Variants in EXOC4 observed in about 807,000 individuals in gnomAD.
EXOC4 encodes exocyst complex component 4.
A neutral mutation model predicts 107.2 loss-of-function variants in EXOC4; 71 were observed. The observed-to-expected ratio is 0.66, with a 90% CI of 0.55 to 0.81. The LOEUF (loss-of-function observed/expected upper bound fraction) is 0.81. Ranked by LOEUF, EXOC4 falls within the 30% of genes least tolerant of loss-of-function variation. The pLI is 0.00. For missense variants in EXOC4, 1,108 were observed against 1,189.6 expected, an observed-to-expected ratio of 0.93 and a Z score of 1.01; for synonymous variants, 456 against 441.2, an observed-to-expected ratio of 1.03 and a Z score of -0.42.
chr7:134,081,262 G>A, the EXOC4 span, among the ~76,000 whole-genome samples: 3 of 152,270 alleles, frequency 2.0e-5, no homozygotes, highest in South Asian at 4.1e-4. Flanking sequence ...AGAATCACTT[G>A]AGCCCAGGGG....
chr7:133,489,968 T>C (rs1279892374), intron 9 of EXOC4, among the ~76,000 whole-genome samples: 5 of 152,218 alleles, frequency 3.3e-5, no homozygotes, highest in Non-Finnish European at 7.3e-5. Flanking sequence ...TAGGATGTGA[T>C]TGAAAGTAAT....
intron 2 of EXOC4, 63 bp from the exon 3 acceptor site, chr7:133,288,859 A>G (rs1024329509): frequency 3.9e-5 from 55 of 1,398,218 alleles, no homozygotes; most frequent in African/African-American, 4.3e-5. Context: ...ACTACTAACC[A>G]GATTATAGGT....
intron 9 of EXOC4, among the ~76,000 whole-genome samples, chr7:133,491,578 A>G (rs903622677): frequency 6.6e-6 from 1 of 152,186 alleles, no homozygotes; most frequent in Non-Finnish European, 1.5e-5. Flanking sequence ...GGGCTGTCAT[A>G]TCAGTTGACA....
chr7:133,707,052 G>A (rs1036170029), intron 10 of EXOC4, among the ~76,000 whole-genome samples: 2 of 150,504 alleles, frequency 1.3e-5, no homozygotes, highest in South Asian at 2.1e-4. Flanking sequence ...ACATGTGTGT[G>A]TACACATTAA....
intron 10 of EXOC4, among the ~76,000 whole-genome samples, chr7:133,810,585 T>A (rs1332333146): frequency 1.4e-5 from 2 of 141,720 alleles, no homozygotes; most frequent in Non-Finnish European, 3.0e-5. Flanking sequence ...GACGATAAGA[T>A]CCATGCTTTG....
chr7:133,910,845 C>T (rs950038169), intron 12 of EXOC4, among the ~76,000 whole-genome samples: 1 of 152,140 alleles, frequency 6.6e-6, no homozygotes, highest in Non-Finnish European at 1.5e-5. Context: ...CACATCATGC[C>T]CTGGCTGTCA....
intron 14 of EXOC4, among the ~76,000 whole-genome samples, chr7:133,944,981 T>A (rs1465806292): frequency 1.3e-5 from 2 of 152,198 alleles, no homozygotes; most frequent in Non-Finnish European, 2.9e-5. Flanking sequence ...TAAACTGTAA[T>A]GTGCATTGTT....
At chr7:133,478,186 T>C (rs1799065226) in intron 8 of EXOC4, among the ~76,000 whole-genome samples, 1 of 151,576 alleles carries the variant, frequency 6.6e-6, no homozygotes, top group South Asian at 2.1e-4. Flanking sequence ...TATGGAATCA[T>C]TGCAGAAAAC....
At chr7:133,493,423 C>T (rs576538409) in intron 9 of EXOC4, among the ~76,000 whole-genome samples, 1 of 152,192 alleles carries the variant, frequency 6.6e-6, no homozygotes, top group South Asian at 2.1e-4. Context: ...GGCGACAAAG[C>T]GATACTCTGT....
chr7:133,424,558 C>T (rs1159580070), intron 7 of EXOC4, among the ~76,000 whole-genome samples: 2 of 152,084 alleles, frequency 1.3e-5, no homozygotes, highest in Non-Finnish European at 2.9e-5. Flanking sequence ...GACCAAGAAC[C>T]CACCAATTCC....
At chr7:133,805,134 A>C (rs747736365) in intron 10 of EXOC4, among the ~76,000 whole-genome samples, 1 of 152,190 alleles carries the variant, frequency 6.6e-6, no homozygotes, top group Non-Finnish European at 1.5e-5. Flanking sequence ...AACAGGTAGA[A>C]AAAAAGACTA....
intron 7 of EXOC4, among the ~76,000 whole-genome samples, chr7:133,411,304 A>G (rs1038704132): frequency 7.9e-5 from 12 of 152,194 alleles, no homozygotes; most frequent in African/African-American, 2.9e-4. Flanking sequence ...ATTTTTGGAT[A>G]CAAAGTCTTA....
At chr7:133,919,344 T>C (rs1453292323) in intron 13 of EXOC4, among the ~76,000 whole-genome samples, 1 of 152,188 alleles carries the variant, frequency 6.6e-6, no homozygotes, top group African/African-American at 2.4e-5. Flanking sequence ...GTGGTGTATT[T>C]GTTATAATTG....
intron 7 of EXOC4, among the ~76,000 whole-genome samples, chr7:133,455,581 TAG>T (rs1350088548): frequency 6.6e-6 from 1 of 152,208 alleles, no homozygotes; most frequent in Non-Finnish European, 1.5e-5. Context: ...CTGTTTATTA[TAG>T]AGAGTTCTAG....
chr7:133,558,216 C>CTTTTCTT (rs1800737631), intron 9 of EXOC4, among the ~76,000 whole-genome samples: 1 of 137,416 alleles, frequency 7.3e-6, no homozygotes, highest in South Asian at 2.2e-4. Flanking sequence ...CTTTTCTTTT[C>CTTTTCTT]TTTTCTTTTC....
chr7:133,835,374 C>G (rs994022005), intron 11 of EXOC4, among the ~76,000 whole-genome samples: 4 of 152,132 alleles, frequency 2.6e-5, no homozygotes, highest in African/African-American at 4.8e-5. Context: ...CATGCAACGT[C>G]AATACATGTA....
chr7:133,912,919 C>A (rs1015990378), intron 12 of EXOC4, among the ~76,000 whole-genome samples: 2 of 152,134 alleles, frequency 1.3e-5, no homozygotes, highest in African/African-American at 4.8e-5. Flanking sequence ...GCTTGGGCAT[C>A]TGGTTTTTAA....
chr7:133,648,259 G>A (rs1281074726), intron 10 of EXOC4, among the ~76,000 whole-genome samples: 1 of 152,136 alleles, frequency 6.6e-6, no homozygotes, highest in Non-Finnish European at 1.5e-5. Flanking sequence ...TCCCCTGTTA[G>A]CATAGGTCTT....
chr7:133,442,036 C>T (rs1202274694), intron 7 of EXOC4, among the ~76,000 whole-genome samples: 1 of 152,190 alleles, frequency 6.6e-6, no homozygotes, highest in Non-Finnish European at 1.5e-5. Context: ...TCAGATCTAC[C>T]AGTAACTAAT....
Sources: allele counts gnomAD v4.1 joint callset (sites outside exome capture counted in the v4.1 genomes callset), GRCh38; gene constraint gnomAD v4.1.1; transcripts MANE v1.5; gene names NCBI Gene and HGNC (gene_info 2026-07-23, HGNC 2026-07-21).